The following RTL4 variants were observed in gnomAD, a reference collection of about 807,000 sequenced individuals.
RTL4 encodes the protein retrotransposon Gag-like protein 4.
RTL4 carries 4 observed loss-of-function variants against 5.3 expected under a neutral mutation model. That is an observed-to-expected ratio of 0.75 (90% CI 0.37 to 1.72). The LOEUF (loss-of-function observed/expected upper bound fraction) is 1.72. Among genes scored for constraint, RTL4 ranks in the 40% most tolerant of loss-of-function variants. The probability of loss-of-function intolerance (pLI) is 0.04; values close to 1 mark genes in which losing one functional copy is unlikely to be tolerated. For missense variants in RTL4, 260 were observed against 227.1 expected, an observed-to-expected ratio of 1.14 and a Z score of -0.93; for synonymous variants, 98 against 87.3, an observed-to-expected ratio of 1.12 and a Z score of -0.68.
At chrX:112,118,067 A>G in the RTL4 span, among the ~76,000 whole-genome samples, 1 of 112,124 alleles carries the variant, frequency 8.9e-6, no homozygotes, top group African/African-American at 3.2e-5. Context: ...CAGATTATTA[A>G]TTGAGAGAAC....
chrX:112,351,068 C>G, the RTL4 span, among the ~76,000 whole-genome samples: 2 of 111,262 alleles, frequency 1.8e-5, no homozygotes, highest in East Asian at 2.8e-4. Flanking sequence ...TATGCTGTGT[C>G]TTTGTTCTTG....
chrX:112,416,357 A>G, the RTL4 span, among the ~76,000 whole-genome samples: 4 of 111,338 alleles, frequency 3.6e-5, no homozygotes, highest in African/African-American at 1.3e-4. Context: ...TGTAACTCAC[A>G]CTCCTTCTTA....
the RTL4 span, among the ~76,000 whole-genome samples, chrX:112,298,202 T>C: frequency 8.9e-6 from 1 of 112,111 alleles, no homozygotes; most frequent in Non-Finnish European, 1.9e-5. Flanking sequence ...TCAGAGTACT[T>C]TCTGTTTGTT....
At chrX:112,276,962 T>C in the RTL4 span, among the ~76,000 whole-genome samples, 1 of 112,303 alleles carries the variant, frequency 8.9e-6, no homozygotes, top group Non-Finnish European at 1.9e-5. Flanking sequence ...AAACAGACAT[T>C]TAGTTTTGTC....
At chrX:112,137,274 G>C in the RTL4 span, among the ~76,000 whole-genome samples, 1 of 112,011 alleles carries the variant, frequency 8.9e-6, no homozygotes, top group Non-Finnish European at 1.9e-5. Flanking sequence ...TGATCATCAA[G>C]GAAATTCAAA....
the RTL4 span, among the ~76,000 whole-genome samples, chrX:112,226,261 C>T: frequency 3.4e-3 from 387 of 112,219 alleles, 1 homozygote; most frequent in African/African-American, 0.011. Context: ...TCAGGAATAT[C>T]CTTTCCCTCC....
At chrX:112,175,082 A>C in the RTL4 span, among the ~76,000 whole-genome samples, 2 of 103,238 alleles carry the variant, frequency 1.9e-5, no homozygotes, top group Non-Finnish European at 3.9e-5. Context: ...TCTTTAGTTT[A>C]ATTAGATCCC....
chrX:112,174,203 G>A, the RTL4 span, among the ~76,000 whole-genome samples: 4 of 102,046 alleles, frequency 3.9e-5, no homozygotes, highest in African/African-American at 1.4e-4. Flanking sequence ...CTAGCATTAG[G>A]TATATCTCCC....
At chrX:112,456,304 C>T (rs1926843535) in exon 1 of RTL4, 1 of 308,715 alleles carries the variant, frequency 3.2e-6, no homozygotes, top group Admixed American at 6.1e-5. Flanking sequence ...GCTTTCCCAA[C>T]AAACAGAACC....
At chrX:112,344,926 G>A in the RTL4 span, among the ~76,000 whole-genome samples, 2 of 111,359 alleles carry the variant, frequency 1.8e-5, no homozygotes, top group African/African-American at 6.5e-5. Context: ...GCAGGCAAGA[G>A]AGCTTGTGCA....
chrX:112,358,276 T>TTC, the RTL4 span, among the ~76,000 whole-genome samples: 1 of 52,355 alleles, frequency 1.9e-5, no homozygotes, highest in Admixed American at 2.3e-4. Flanking sequence ...AACTTATGCA[T>TTC]TTTTTTTTTT....
the RTL4 span, among the ~76,000 whole-genome samples, chrX:112,356,630 A>G: frequency 1.0e-4 from 11 of 106,598 alleles, no homozygotes; most frequent in South Asian, 3.6e-3. Flanking sequence ...CTCTTCTTTG[A>G]GTATTTTTCT....
the RTL4 span, among the ~76,000 whole-genome samples, chrX:112,107,210 C>G: frequency 8.9e-6 from 1 of 111,791 alleles, no homozygotes; most frequent in Admixed American, 9.5e-5. Flanking sequence ...CACTTTTACT[C>G]TACTTCCCCT....
chrX:112,100,601 G>A, the RTL4 span, among the ~76,000 whole-genome samples: 1 of 111,669 alleles, frequency 9.0e-6, no homozygotes, highest in Non-Finnish European at 1.9e-5. Context: ...AATATCAGGG[G>A]CATAAACTAG....
At chrX:112,360,619 TATC>T in the RTL4 span, among the ~76,000 whole-genome samples, 4 of 110,702 alleles carry the variant, frequency 3.6e-5, no homozygotes, top group Non-Finnish European at 5.7e-5. Context: ...CTCCTTCTTC[TATC>T]ATCATACTAT....
the RTL4 span, among the ~76,000 whole-genome samples, chrX:112,429,378 T>C: frequency 4.5e-5 from 5 of 111,126 alleles, no homozygotes; most frequent in Admixed American, 9.6e-5. Flanking sequence ...GTTTGCAATA[T>C]ACATTTATAA....
the RTL4 span, among the ~76,000 whole-genome samples, chrX:112,392,572 T>G: frequency 2.7e-5 from 3 of 111,015 alleles, no homozygotes; most frequent in South Asian, 1.2e-3. Flanking sequence ...AGAGATCTGC[T>G]TTAAAAACAA....
chrX:112,161,823 TCC>T, the RTL4 span, among the ~76,000 whole-genome samples: 705 of 43,644 alleles, frequency 0.016, 6 homozygotes, highest in African/African-American at 0.049. Flanking sequence ...CTTCCTTCCT[TCC>T]TTCCTTCCTT....
At chrX:112,165,458 A>C in the RTL4 span, among the ~76,000 whole-genome samples, 1 of 111,238 alleles carries the variant, frequency 9.0e-6, no homozygotes, top group Non-Finnish European at 1.9e-5. Context: ...GGCACATAGT[A>C]GGTCCTTAAC....
Sources: allele counts gnomAD v4.1 joint callset (sites outside exome capture counted in the v4.1 genomes callset), GRCh38; gene constraint gnomAD v4.1.1; transcripts MANE v1.5; gene names NCBI Gene and HGNC (gene_info 2026-07-23, HGNC 2026-07-21).